Variants in DRC9 observed in about 807,000 individuals in gnomAD.
DRC9 encodes the protein dynein regulatory complex protein 9.
At chr3:197,949,651 G>T in the DRC9 span, 24 of 154,502 alleles carry the variant, frequency 1.6e-4, no homozygotes, top group African/African-American at 5.8e-4. Context: ...CTCATTTCTT[G>T]AAAGAGATAA....
chr3:197,950,781 C>T, the DRC9 span: 1 of 661,476 alleles, frequency 1.5e-6, no homozygotes, highest in Non-Finnish European at 2.6e-6. Flanking sequence ...TTGCCGGACC[C>T]TGCGTTTCAT....
At chr3:197,913,917 AC>A in the DRC9 span, 7 of 1,613,962 alleles carry the variant, frequency 4.3e-6, no homozygotes, top group South Asian at 7.7e-5. Flanking sequence ...CTGTTCTGTT[AC>A]ACTTTTTCTG....
chr3:197,922,259 G>A, the DRC9 span, among the ~76,000 whole-genome samples: 1 of 152,166 alleles, frequency 6.6e-6, no homozygotes, highest in African/African-American at 2.4e-5. Flanking sequence ...ATATAATTAA[G>A]AGGATACATC....
chr3:197,893,312 G>A, the DRC9 span, among the ~76,000 whole-genome samples: 3 of 131,960 alleles, frequency 2.3e-5, no homozygotes, highest in South Asian at 4.7e-4. Context: ...AGCCCAGATC[G>A]CGCCATTGCA....
chr3:197,890,878 G>A, the DRC9 span, among the ~76,000 whole-genome samples: 3 of 152,094 alleles, frequency 2.0e-5, no homozygotes, highest in Non-Finnish European at 4.4e-5. Context: ...CTAGGGCCTC[G>A]ACCTTCAGAG....
At chr3:197,891,496 T>C in the DRC9 span, 1 of 1,606,936 alleles carries the variant, frequency 6.2e-7, no homozygotes, top group Non-Finnish European at 8.5e-7. Context: ...TTCTTCTTGC[T>C]CCTCTCCTTT....
At chr3:197,942,320 C>G in the DRC9 span, among the ~76,000 whole-genome samples, 215 of 129,890 alleles carry the variant, frequency 1.7e-3, no homozygotes, top group Admixed American at 3.6e-3. Context: ...GGAGGCGGAG[C>G]TTGCAGTGAG....
the DRC9 span, among the ~76,000 whole-genome samples, chr3:197,890,020 C>G: frequency 6.6e-6 from 1 of 152,146 alleles, no homozygotes; most frequent in South Asian, 2.1e-4. Flanking sequence ...GAGGAAAGTC[C>G]AGGTTCCCCA....
the DRC9 span, among the ~76,000 whole-genome samples, chr3:197,921,652 G>C: frequency 6.6e-6 from 1 of 151,404 alleles, no homozygotes; most frequent in Non-Finnish European, 1.5e-5. Flanking sequence ...AGTAACTCTG[G>C]GGATTTCACC....
At chr3:197,932,222 A>C in the DRC9 span, 2 of 1,613,608 alleles carry the variant, frequency 1.2e-6, no homozygotes, top group Non-Finnish European at 1.7e-6. Flanking sequence ...CTCTTTGCTC[A>C]AAGCTTGCAG....
the DRC9 span, chr3:197,938,551 T>C: frequency 6.2e-7 from 1 of 1,607,780 alleles, no homozygotes; most frequent in Non-Finnish European, 8.5e-7. Flanking sequence ...TCCTTACCTA[T>C]CAATCTGAAT....
At chr3:197,936,619 TC>T in the DRC9 span, among the ~76,000 whole-genome samples, 3 of 152,194 alleles carry the variant, frequency 2.0e-5, no homozygotes, top group African/African-American at 7.2e-5. Context: ...CACCTTGGCC[TC>T]CCAAAGCATT....
At chr3:197,904,114 T>A in the DRC9 span, among the ~76,000 whole-genome samples, 13 of 120,350 alleles carry the variant, frequency 1.1e-4, no homozygotes, top group African/African-American at 1.6e-4. Context: ...ATATATATTT[T>A]TTTTTTTAAA....
chr3:197,930,283 G>A, the DRC9 span, among the ~76,000 whole-genome samples: 4 of 152,112 alleles, frequency 2.6e-5, no homozygotes, highest in African/African-American at 4.8e-5. Flanking sequence ...AGGAAGTCGA[G>A]GCTGCCATGA....
chr3:197,959,999 C>T, the DRC9 span: 1 of 561,024 alleles, frequency 1.8e-6, no homozygotes, highest in Non-Finnish European at 3.2e-6. Context: ...GCTAGCCTTT[C>T]TTCCTCCCAC....
At chr3:197,905,587 A>G in the DRC9 span, among the ~76,000 whole-genome samples, 10 of 151,884 alleles carry the variant, frequency 6.6e-5, no homozygotes, top group Admixed American at 4.6e-4. Context: ...CTCCACTAAA[A>G]AAAATACAAA....
the DRC9 span, among the ~76,000 whole-genome samples, chr3:197,936,081 T>C: frequency 6.6e-6 from 1 of 151,852 alleles, no homozygotes; most frequent in East Asian, 2.0e-4. Context: ...GGAGAATCAC[T>C]TGAACTCAGG....
the DRC9 span, among the ~76,000 whole-genome samples, chr3:197,898,439 A>G: frequency 6.6e-6 from 1 of 152,238 alleles, no homozygotes; most frequent in Non-Finnish European, 1.5e-5. Context: ...TTAGCAACAT[A>G]AACTCAAAGA....
the DRC9 span, among the ~76,000 whole-genome samples, chr3:197,915,783 C>G: frequency 5.3e-5 from 8 of 151,856 alleles, no homozygotes. Flanking sequence ...GTGCTCACCA[C>G]CACACCCAGC....
Sources: gnomAD v4.1 joint callset for allele counts (sites outside exome capture counted in the v4.1 genomes callset) on GRCh38, gnomAD v4.1.1 for gene constraint, MANE v1.5 for transcripts, NCBI Gene and HGNC (gene_info 2026-07-23, HGNC 2026-07-21) for gene names.